The following CDH13 variants were observed in gnomAD, a reference collection of about 807,000 sequenced individuals.
CDH13 encodes the protein cadherin 13.
Under a neutral mutation model 63.8 loss-of-function variants are expected in CDH13, and 24 were observed. The ratio of observed to expected loss-of-function variants is 0.38; its 90% CI spans 0.27 to 0.53. The LOEUF is 0.53. CDH13 is among the 20% of genes least tolerant of loss of function. The pLI is 0.85. For missense variants in CDH13, 1,049 were observed against 903.1 expected (o/e 1.16, Z -2.07); for synonymous variants, 503 against 355.3 (o/e 1.42, Z -4.67).
chr16:83,652,952 G>A (rs144373552), intron 8 of CDH13, among the ~76,000 whole-genome samples: 2 of 152,320 alleles, frequency 1.3e-5, no homozygotes, highest in East Asian at 1.9e-4. Context: ...TCCACATGAC[G>A]GAATGCTTTC....
At chr16:83,550,077 G>C (rs1390740338) in intron 7 of CDH13, among the ~76,000 whole-genome samples, 1 of 152,194 alleles carries the variant, frequency 6.6e-6, no homozygotes, top group Non-Finnish European at 1.5e-5. Context: ...CTAGTGCAGG[G>C]GTGATGACTT....
intron 1 of CDH13, among the ~76,000 whole-genome samples, chr16:82,647,916 G>A (rs540843610): frequency 2.0e-5 from 3 of 152,258 alleles, no homozygotes; most frequent in African/African-American, 4.8e-5. Context: ...GGACCCTGTC[G>A]GGGGTAACTG....
At chr16:82,945,204 G>A (rs553389498) in intron 2 of CDH13, among the ~76,000 whole-genome samples, 1 of 152,136 alleles carries the variant, frequency 6.6e-6, no homozygotes, top group Non-Finnish European at 1.5e-5. Context: ...CAACTTTGTG[G>A]GCCATGAAGT....
chr16:82,997,141 T>A (rs1389681399), intron 2 of CDH13, among the ~76,000 whole-genome samples: 2 of 112,148 alleles, frequency 1.8e-5, no homozygotes, highest in Non-Finnish European at 3.9e-5. Flanking sequence ...ATGGTGGTGA[T>A]GATGGTGATG....
At chr16:82,799,520 T>G (rs4277336) in intron 1 of CDH13, among the ~76,000 whole-genome samples, 7 of 152,136 alleles carry the variant, frequency 4.6e-5, no homozygotes, top group Non-Finnish European at 8.8e-5. Context: ...CACATCAGTT[T>G]AGTCTTTTTT....
chr16:83,036,052 G>A (rs2099760588), intron 3 of CDH13, among the ~76,000 whole-genome samples: 1 of 152,006 alleles, frequency 6.6e-6, no homozygotes, highest in Admixed American at 6.6e-5. Flanking sequence ...GAGACACAAT[G>A]GGGCTGTTTC....
intron 5 of CDH13, among the ~76,000 whole-genome samples, chr16:83,229,586 A>T (rs2039945950): frequency 6.6e-6 from 1 of 151,398 alleles, no homozygotes; most frequent in African/African-American, 2.4e-5. Flanking sequence ...GATTTCTTTG[A>T]TTGGTATCTG....
Position 83,476,173 on chromosome 16 carries a change from A to T in CDH13, c.782-10304A>T, listed in dbSNP as rs536506072. Among the ~76,000 whole-genome samples, 13 of 152,336 alleles carry T rather than the reference A, an allele frequency of 8.5e-5. No individual in the cohort carries two copies. In the South Asian group the frequency reaches 2.7e-3, roughly 32 times the overall value. Reference sequence around the variant, plus strand: ...AGACTCTTAATACATGCAAAGCATTATTCTGGTGCCTTTGAACATTTTCAT... The same window carrying T: ...AGACTCTTAATACATGCAAAGCATTTTTCTGGTGCCTTTGAACATTTTCAT... On this transcript the variant is annotated intron_variant, in intron 6 of 13. Coordinates refer to ENST00000567109, the MANE Select transcript of CDH13 (RefSeq NM_001257.5).
At chr16:83,345,685 G>A (rs1413612672) in intron 6 of CDH13, among the ~76,000 whole-genome samples, 1 of 152,116 alleles carries the variant, frequency 6.6e-6, no homozygotes, top group East Asian at 1.9e-4. Context: ...GTATCCCACA[G>A]CCAGCAGCTG....
intron 1 of CDH13, among the ~76,000 whole-genome samples, chr16:82,716,486 C>A (rs536730430): frequency 1.3e-5 from 2 of 151,228 alleles, no homozygotes; most frequent in South Asian, 4.2e-4. Context: ...CAGAAGGGAG[C>A]CACAAAAAAT....
chr16:83,128,158 C>A (rs1360321238), intron 4 of CDH13, among the ~76,000 whole-genome samples: 1 of 152,342 alleles, frequency 6.6e-6, no homozygotes, highest in South Asian at 2.1e-4. Flanking sequence ...TGTCAGGGCT[C>A]CACCCTCAGA....
chr16:82,825,698 AC>A (rs2038214260), intron 1 of CDH13: 1 of 151,826 alleles, frequency 6.6e-6, no homozygotes, highest in South Asian at 2.1e-4. Context: ...AGCATGCACC[AC>A]CATGCCCGGC....
intron 3 of CDH13, among the ~76,000 whole-genome samples, chr16:83,103,031 C>G (rs2034575954): frequency 7.3e-6 from 1 of 136,310 alleles, no homozygotes; most frequent in East Asian, 2.2e-4. Context: ...CAGCTCACTG[C>G]AGCCTCTGCC....
intron 5 of CDH13, among the ~76,000 whole-genome samples, chr16:83,290,233 A>G (rs193056222): frequency 4.7e-4 from 72 of 152,304 alleles, no homozygotes; most frequent in South Asian, 2.1e-3. Context: ...AGTATTTACA[A>G]TGGCTCCCTA....
intron 10 of CDH13, among the ~76,000 whole-genome samples, chr16:83,737,219 C>T (rs1161429259): frequency 2.0e-5 from 3 of 152,160 alleles, no homozygotes; most frequent in Non-Finnish European, 2.9e-5. Flanking sequence ...TAGACTAAAT[C>T]ATTCTCAGAC....
chr16:83,100,936 A>G lies in CDH13; in HGVS notation c.367-24449A>G, dbSNP rs577026133. The stretch of plus-strand genomic sequence containing the variant: ...ACATCATTTAACTAGTGAAAGTTGC[A>G]TAATAGATACTCAGTGAATCATGGA... On this transcript the variant is annotated intron_variant, in intron 3 of 13. Transcript: ENST00000567109. Among the ~76,000 whole-genome samples the G allele has an allele frequency of 3.1e-4, 47 of 152,352 alleles. No homozygotes were observed. The Middle Eastern group carries it at 0.02, about 66-fold the overall frequency.
intron 11 of CDH13, among the ~76,000 whole-genome samples, chr16:83,749,105 G>A (rs1912858875): frequency 2.6e-5 from 4 of 152,220 alleles, no homozygotes; most frequent in Admixed American, 1.3e-4. Context: ...TGTGTATTGT[G>A]TCAATCACAC....
intron 3 of CDH13, among the ~76,000 whole-genome samples, chr16:83,073,866 CATA>C (rs1218674157): frequency 6.6e-6 from 1 of 151,972 alleles, no homozygotes; most frequent in African/African-American, 2.4e-5. Context: ...TTTATTGACA[CATA>C]ATATTTTTAC....
At chr16:82,730,646 T>C (rs1043880881) in intron 1 of CDH13, among the ~76,000 whole-genome samples, 1 of 152,182 alleles carries the variant, frequency 6.6e-6, no homozygotes, top group African/African-American at 2.4e-5. Context: ...AGTGAGCACA[T>C]TCTGTTGGAA....
Sources: allele counts gnomAD v4.1 joint callset (sites outside exome capture counted in the v4.1 genomes callset), GRCh38; gene constraint gnomAD v4.1.1; transcripts MANE v1.5; gene names NCBI Gene and HGNC (gene_info 2026-07-23, HGNC 2026-07-21).